The following FAAP24 variants were observed in gnomAD, a reference collection of about 807,000 sequenced individuals.
FAAP24 encodes the protein Fanconi anemia core complex-associated protein 24.
Under a neutral mutation model 14.3 loss-of-function variants are expected in FAAP24, and 16 were observed. The observed-to-expected ratio is 1.12, with a 90% CI of 0.76 to 1.69. FAAP24 has a LOEUF of 1.69. Among genes scored for constraint, FAAP24 ranks in the 40% most tolerant of loss-of-function variants. The probability of loss-of-function intolerance (pLI) is 0.00; values close to 1 mark genes in which losing one functional copy is unlikely to be tolerated. For missense variants in FAAP24, 234 were observed against 262.7 expected (o/e 0.89, Z 0.75); for synonymous variants, 111 against 106.2 (o/e 1.04, Z -0.28).
rs775238035 is a variant in FAAP24, at chr19:32,973,312, C to T, written c.106+10C>T. ...GCGCAGGAGATGCAAGGTCGGTGGC[C>T]TGCCCTCTGCCAGCCCTTTCCTCCC... On this transcript the variant is annotated intron_variant, in intron 2 of 4. Transcript: ENST00000588258. The T allele has an allele frequency of 5.0e-5, 80 of 1,613,612 alleles. No individual in the cohort carries two copies. The highest frequency in any genetic ancestry group is 6.4e-5 in the Non-Finnish European group (76 of 1,179,782).
intron 1 of FAAP24, 120 bp downstream of exon 1, chr19:32,972,466 G>C (rs903551138): frequency 5.0e-6 from 2 of 398,886 alleles, no homozygotes; most frequent in Non-Finnish European, 8.8e-6. Context: ...ATTGGCAAAC[G>C]GGATCTCGCT....
At chr19:32,976,339 A>G (rs761010177) in intron 4 of FAAP24, 92 bp from the exon 5 acceptor site, 2 of 1,496,526 alleles carry the variant, frequency 1.3e-6, no homozygotes, top group Non-Finnish European at 1.8e-6. Flanking sequence ...GCTGAGCCAA[A>G]TGGAAAAACG....
In FAAP24 at chr19:32,977,114, G is replaced by A. The variant is rs1971531182; in HGVS notation, c.*432G>A. ...AGCAACCAGTGAAAGATGAGGCGAG[G>A]CTTGAATGGAGCCCGTGGGTCGTCC... On this transcript the variant is annotated 3_prime_UTR_variant, in exon 5 of 5. Transcript: ENST00000588258. 2.5e-6 allele frequency: 1 copy of A among 406,526 alleles called. No homozygotes were observed. The highest frequency in any genetic ancestry group is 3.5e-5 in the East Asian group (1 of 28,288). 25.2% of individuals were successfully genotyped at this position (406,526 alleles called of 1,614,324 possible).
Position 32,977,113 on chromosome 19 carries a change from G to A in FAAP24, c.*431G>A. ...CAGCAACCAGTGAAAGATGAGGCGA[G>A]GCTTGAATGGAGCCCGTGGGTCGTC... On this transcript the variant is annotated 3_prime_UTR_variant, in exon 5 of 5. Coordinates refer to ENST00000588258, the MANE Select transcript of FAAP24 (RefSeq NM_152266.5). The A allele has an allele frequency of 2.5e-6, 1 of 406,478 alleles. No homozygotes were observed. The highest frequency in any genetic ancestry group is 4.3e-6 in the Non-Finnish European group (1 of 230,618). The allele number at this position is 406,478 out of a possible 1,614,324, so 25.2% of individuals were successfully genotyped here.
Position 32,973,186 on chromosome 19 carries a change from G to A in FAAP24, c.-11G>A. ...CCGCCTGGCTTTTCCCTCCTTAGGT[G>A]GAGACCATCCATGGAAAAGAACCCC... is the stretch of plus-strand genomic sequence containing the variant. On this transcript the variant is annotated splice_region_variant and 5_prime_UTR_variant, in exon 2 of 5. Transcript: ENST00000588258. The A allele has an allele frequency of 6.2e-7, 1 of 1,612,118 alleles. No individual in the cohort carries two copies. The highest frequency in any genetic ancestry group is 2.2e-5 in the East Asian group (1 of 44,850).
chr19:32,976,521 G>A lies in FAAP24; in HGVS notation c.487G>A (p.Val163Met), dbSNP rs141801484. 4.1e-4 allele frequency: 661 copies of A among 1,614,196 alleles called. 4 individuals are homozygous for A. The highest frequency in any genetic ancestry group is 2.0e-3 in the South Asian group (182 of 91,076). Reference sequence around the variant, plus strand: ...GTCTGAGCCTTCGCTCCTTCGAACCGTGCAGCAGATCCCAGGAGTTGGAAA... The same window carrying A: ...GTCTGAGCCTTCGCTCCTTCGAACCATGCAGCAGATCCCAGGAGTTGGAAA... ...LLSEPSLLRT[V>M]QQIPGVGKVK... Residue 163 changes from valine (V) to methionine (M), a missense_variant, in exon 5 of 5, where the codon GTG becomes ATG. Coordinates refer to ENST00000588258, the MANE Select transcript of FAAP24 (RefSeq NM_152266.5).
chr19:32,977,222 G>A lies in FAAP24; in HGVS notation c.*540G>A. The stretch of plus-strand genomic sequence containing the variant: ...CATTCTGCTAAGACGAAAAGGGCTG[G>A]TGGGATCTTCGCAAGAGAGTCAGGG... On this transcript the variant is annotated 3_prime_UTR_variant, in exon 5 of 5. Coordinates refer to ENST00000588258, the MANE Select transcript of FAAP24 (RefSeq NM_152266.5). The A allele has an allele frequency of 2.5e-6, 1 of 399,672 alleles. No homozygotes were observed. Among genetic ancestry groups the A allele is most frequent in the Non-Finnish European group, 4.4e-6 (1 of 226,798 alleles). 24.8% of individuals were successfully genotyped at this position (399,672 alleles called of 1,614,324 possible).
chr19:32,973,337 CCT>C (rs780510110), intron 2 of FAAP24, 35 bp downstream of exon 2: 42 of 1,605,280 alleles, frequency 2.6e-5, no homozygotes, highest in African/African-American at 4.0e-5. Flanking sequence ...CCTTTCCTCC[CCT>C]GACATATTAA....
chr19:32,973,658 C>T, intron 3 of FAAP24, 96 bp downstream of exon 3: 3 of 1,285,246 alleles, frequency 2.3e-6, no homozygotes, highest in Non-Finnish European at 3.3e-6. Flanking sequence ...AGTTGGAGAC[C>T]AGCCTGGCCA....
intron 2 of FAAP24, 37 bp downstream of exon 2, chr19:32,973,339 T>G (rs1483821183): frequency 6.2e-7 from 1 of 1,604,154 alleles, no homozygotes; most frequent in Non-Finnish European, 8.5e-7. Context: ...TTTCCTCCCC[T>G]GACATATTAA....
chr19:32,977,052 CAA>C lies in FAAP24; in HGVS notation c.*385_*386del, dbSNP rs56403853. ...CGAGACTCCGTCTCAAAGAAAACAACAAAAAAAAAAAAAAAAGAAAAAGGATT... is the reference window on the plus strand; with the variant it reads ...CGAGACTCCGTCTCAAAGAAAACAACAAAAAAAAAAAAAAGAAAAAGGATT... On this transcript the variant is annotated 3_prime_UTR_variant, in exon 5 of 5. Transcript: ENST00000588258. 7.0e-4 allele frequency: 248 copies of C among 355,516 alleles called. No homozygotes were observed. The highest frequency in any genetic ancestry group is 1.4e-3 in the South Asian group (10 of 6,964). The allele number at this position is 355,516 out of a possible 1,614,324, so 22.0% of individuals were successfully genotyped here.
intron 1 of FAAP24, 96 bp from the exon 2 acceptor site, chr19:32,973,088 G>A (rs1568303031): frequency 2.4e-6 from 2 of 834,300 alleles, no homozygotes; most frequent in Non-Finnish European, 3.9e-6. Context: ...TCAGTTTGCA[G>A]AGGGGATCCT....
intron 4 of FAAP24, among the ~76,000 whole-genome samples, chr19:32,974,499 A>G (rs1453098665): frequency 6.6e-6 from 1 of 152,136 alleles, no homozygotes; most frequent in Non-Finnish European, 1.5e-5. Context: ...ACGTCAACCT[A>G]GAGGCCAGGC....
At chr19:32,975,678 G>A (rs533934851) in intron 4 of FAAP24, among the ~76,000 whole-genome samples, 5 of 148,250 alleles carry the variant, frequency 3.4e-5, no homozygotes, top group Admixed American at 6.7e-5. Flanking sequence ...GGCTGGTCTC[G>A]AACTCCCGAC....
rs1971543280 is a variant in FAAP24, at chr19:32,978,089, C to G, written c.*1407C>G. The G allele has an allele frequency of 6.6e-6, 1 of 151,142 alleles. No homozygotes were observed. Among genetic ancestry groups the G allele is most frequent in the Non-Finnish European group, 1.5e-5 (1 of 67,806 alleles). The allele number at this position is 151,142 out of a possible 1,614,324, so 9.4% of individuals were successfully genotyped here. A position where few individuals can be genotyped will look rare whatever the true frequency, so the allele number is the denominator to read the frequency against. ...GATCAAAAGGTACAAATTGCCCATT[C>G]AAAAAATAGACACAGGCCAGGCACA... On this transcript the variant is annotated 3_prime_UTR_variant, in exon 5 of 5. Transcript: ENST00000588258.
At position 32,974,155 on chromosome 19, in the gene FAAP24, A is replaced by G; in HGVS notation, c.339A>G (p.Gly113=). 1.1e-5 allele frequency: 17 copies of G among 1,614,094 alleles called. No homozygotes were observed. The highest frequency in any genetic ancestry group is 1.4e-5 in the Non-Finnish European group (16 of 1,180,010). Residue 113 remains glycine (G), a synonymous_variant, in exon 4 of 5, where the codon GGA becomes GGG. Coordinates refer to ENST00000588258, the MANE Select transcript of FAAP24 (RefSeq NM_152266.5). The part of the protein sequence containing the change: ...ALQKFTVLDL[G]MVLLPVASQM... ...AGAAGTTTACTGTGCTGGACCTTGG[A>G]ATGGTGCTGCTTCCAGTGGCCAGCC...
chr19:32,975,460 CTTTTT>C lies in FAAP24; in HGVS notation c.397-959_397-955del, dbSNP rs35704162. 5.2e-4 allele frequency among the ~76,000 whole-genome samples: 72 copies of C among 137,332 alleles called. 2 individuals are homozygous for C. The South Asian group carries it at 9.3e-3, about 18-fold the overall frequency. 90.1% of individuals were successfully genotyped at this position (137,332 alleles called of 152,430 possible). ...TTCTGGGCCACCGCACCAACCAACA[CTTTTT>C]TTTTTTTTTTTGAGATGGAGTTTCG... is the stretch of plus-strand genomic sequence containing the variant. On this transcript the variant is annotated intron_variant, in intron 4 of 4. Coordinates refer to ENST00000588258, the MANE Select transcript of FAAP24 (RefSeq NM_152266.5).
chr19:32,976,010 A>G (rs138030109), intron 4 of FAAP24, among the ~76,000 whole-genome samples: 1 of 152,336 alleles, frequency 6.6e-6, no homozygotes, highest in East Asian at 1.9e-4. Context: ...TTTCCTTGAT[A>G]TAACACTGTT....
At position 32,977,135 on chromosome 19, in the gene FAAP24, C is replaced by T. The variant is rs1022244755; in HGVS notation, c.*453C>T. 2 of 402,720 alleles carry T rather than the reference C, an allele frequency of 5.0e-6. No homozygotes were observed. Among genetic ancestry groups the T allele is most frequent in the South Asian group, 1.2e-4 (1 of 8,690 alleles). The allele number at this position is 402,720 out of a possible 1,614,324, so 24.9% of individuals were successfully genotyped here. A position where few individuals can be genotyped will look rare whatever the true frequency, so the allele number is the denominator to read the frequency against. On this transcript the variant is annotated 3_prime_UTR_variant, in exon 5 of 5. Transcript: ENST00000588258. ...CGAGGCTTGAATGGAGCCCGTGGGT[C>T]GTCCTGCCTTAGCGTCTGAGTTCAG...
Sources: gnomAD v4.1 joint callset for allele counts (sites outside exome capture counted in the v4.1 genomes callset) on GRCh38, gnomAD v4.1.1 for gene constraint, MANE v1.5 for transcripts, NCBI Gene and HGNC (gene_info 2026-07-23, HGNC 2026-07-21) for gene names.